Variants in ADAM12 observed in about 807,000 individuals in gnomAD.
The protein encoded by ADAM12 is disintegrin and metalloproteinase domain-containing protein 12.
Under a neutral mutation model 106.4 loss-of-function variants are expected in ADAM12, and 70 were observed. The observed-to-expected ratio is 0.66, with a 90% CI of 0.54 to 0.80. ADAM12 has a LOEUF of 0.80. Among genes scored for constraint, ADAM12 ranks in the 30% least tolerant of loss-of-function variants. The probability of loss-of-function intolerance (pLI) is 0.00; values close to 1 mark genes in which losing one functional copy is unlikely to be tolerated. For synonymous variants in ADAM12, 420 were observed against 433.5 expected (o/e 0.97, Z 0.39); for missense variants, 1,010 against 1,171.9 (o/e 0.86, Z 2.02).
At chr10:126,054,166 C>T (rs1037584597) in intron 14 of ADAM12, among the ~76,000 whole-genome samples, 5 of 152,200 alleles carry the variant, frequency 3.3e-5, no homozygotes, top group African/African-American at 1.2e-4. Flanking sequence ...TGAGCACTTT[C>T]TCTATTAGCC....
chr10:126,175,389 G>A (rs1957201585), intron 3 of ADAM12, among the ~76,000 whole-genome samples: 1 of 152,128 alleles, frequency 6.6e-6, no homozygotes, highest in South Asian at 2.1e-4. Context: ...AATAACAATT[G>A]CTCGGAAAAT....
At chr10:126,094,193 G>A in intron 10 of ADAM12, 60 bp from the exon 11 acceptor site, 1 of 1,521,254 alleles carries the variant, frequency 6.6e-7, no homozygotes, top group Non-Finnish European at 9.0e-7. Context: ...TTATTTCCCA[G>A]GTCTCCCTCC....
At chr10:126,278,315 C>A (rs1290470808) in intron 3 of ADAM12, among the ~76,000 whole-genome samples, 2 of 152,018 alleles carry the variant, frequency 1.3e-5, no homozygotes, top group African/African-American at 4.8e-5. Context: ...GTTTGTCTTA[C>A]GGTTGGAGGC....
chr10:126,224,896 G>A lies in ADAM12; in HGVS notation c.260+54019C>T, dbSNP rs552960363. Among the ~76,000 whole-genome samples, 10 of 152,332 alleles carry A rather than the reference G, an allele frequency of 6.6e-5. No individual in the cohort carries two copies. In the East Asian group the frequency reaches 1.2e-3, roughly 18 times the overall value. ...GCAGGAGACGAGGGAGCAATTACTC[G>A]GGAAAAGTGGACATCAGGGAAGCAT... On this transcript the variant is annotated intron_variant, in intron 3 of 22. Transcript: ENST00000448723.
intron 10 of ADAM12, among the ~76,000 whole-genome samples, chr10:126,094,670 A>G (rs1474566218): frequency 6.6e-6 from 1 of 152,180 alleles, no homozygotes; most frequent in African/African-American, 2.4e-5. Context: ...AAAATTCACA[A>G]TACTTCATAA....
intron 5 of ADAM12, among the ~76,000 whole-genome samples, chr10:126,124,647 T>C (rs920333699): frequency 6.6e-5 from 10 of 151,908 alleles, no homozygotes; most frequent in African/African-American, 4.8e-5. Context: ...AATCCTGGCA[T>C]TTTGGGAGGC....
At chr10:126,272,311 GATTA>G (rs1241926935) in intron 3 of ADAM12, among the ~76,000 whole-genome samples, 3 of 152,142 alleles carry the variant, frequency 2.0e-5, no homozygotes, top group South Asian at 2.1e-4. Flanking sequence ...CATCAATAAA[GATTA>G]ATTAATAAAG....
At chr10:126,378,013 G>C (rs943186798) in intron 1 of ADAM12, among the ~76,000 whole-genome samples, 75 of 152,192 alleles carry the variant, frequency 4.9e-4, no homozygotes, top group African/African-American at 1.6e-3. Flanking sequence ...AGTAAATAAA[G>C]ATAAATAATT....
intron 3 of ADAM12, among the ~76,000 whole-genome samples, chr10:126,220,951 C>T (rs1958079254): frequency 6.6e-6 from 1 of 152,260 alleles, no homozygotes; most frequent in African/African-American, 2.4e-5. Flanking sequence ...GCTTCCAGAA[C>T]ACATTCTGAT....
intron 3 of ADAM12, among the ~76,000 whole-genome samples, chr10:126,202,989 G>C (rs1274797022): frequency 2.0e-5 from 3 of 152,156 alleles, no homozygotes; most frequent in Non-Finnish European, 4.4e-5. Context: ...GTAGAATACA[G>C]GGGAAATTGT....
chr10:126,025,585 G>A (rs939603857), intron 21 of ADAM12, among the ~76,000 whole-genome samples: 5 of 152,096 alleles, frequency 3.3e-5, no homozygotes, highest in Admixed American at 2.6e-4. Context: ...AAAAGAGACG[G>A]GCAGAACAGA....
chr10:126,316,298 G>A (rs1482384254), intron 2 of ADAM12, among the ~76,000 whole-genome samples: 1 of 152,158 alleles, frequency 6.6e-6, no homozygotes, highest in African/African-American at 2.4e-5. Context: ...ATAAATATTT[G>A]TTGATTAAAT....
rs112046559 is a variant in ADAM12 at position 126,104,406 on chromosome 10, C to T, written c.742-3165G>A. Among the ~76,000 whole-genome samples the T allele has an allele frequency of 9.1e-3, 1,344 of 147,252 alleles. 23 individuals are homozygous for T. The highest frequency in any genetic ancestry group is 0.032 in the African/African-American group (1,258 of 39,680). Reference sequence around the variant, plus strand: ...TGGAGGCTGCAGTGAGCCAAGATGGCGCCATTGCACTCCAGCCTTGGGGAT... The same window carrying T: ...TGGAGGCTGCAGTGAGCCAAGATGGTGCCATTGCACTCCAGCCTTGGGGAT... On this transcript the variant is annotated intron_variant, in intron 8 of 22. Coordinates refer to ENST00000448723, the MANE Select transcript of ADAM12 (RefSeq NM_001288973.2).
At chr10:126,270,297 G>A (rs1392472509) in intron 3 of ADAM12, among the ~76,000 whole-genome samples, 1 of 152,166 alleles carries the variant, frequency 6.6e-6, no homozygotes, top group African/African-American at 2.4e-5. Context: ...AGCTGAAGAG[G>A]TGTGGTCACT....
chr10:126,029,380 A>G (rs1258997303), intron 21 of ADAM12, among the ~76,000 whole-genome samples: 2 of 152,226 alleles, frequency 1.3e-5, no homozygotes, highest in African/African-American at 4.8e-5. Context: ...AAATGTGGTA[A>G]ATATACACCA....
intron 11 of ADAM12, among the ~76,000 whole-genome samples, chr10:126,076,967 C>T (rs1955113643): frequency 6.6e-6 from 1 of 152,196 alleles, no homozygotes; most frequent in Non-Finnish European, 1.5e-5. Context: ...CAAACTTTCT[C>T]TCTTTGCTGA....
At chr10:126,364,793 T>C (rs1273101987) in intron 1 of ADAM12, among the ~76,000 whole-genome samples, 1 of 152,190 alleles carries the variant, frequency 6.6e-6, no homozygotes, top group Non-Finnish European at 1.5e-5. Context: ...TTAAACTGCA[T>C]TATTAAGAAT....
At chr10:126,019,929 A>C in intron 21 of ADAM12, 104 bp from the exon 22 acceptor site, 8 of 1,366,528 alleles carry the variant, frequency 5.9e-6, no homozygotes, top group East Asian at 2.5e-5. Flanking sequence ...CCTGAATATC[A>C]TCCTGTCACC....
At chr10:126,048,801 C>A (rs1470438776) in intron 16 of ADAM12, among the ~76,000 whole-genome samples, 1 of 152,016 alleles carries the variant, frequency 6.6e-6, no homozygotes, top group Non-Finnish European at 1.5e-5. Context: ...TGAAAGGACT[C>A]CCCTCTGGTT....
Sources: gnomAD v4.1 joint callset for allele counts (sites outside exome capture counted in the v4.1 genomes callset) on GRCh38, gnomAD v4.1.1 for gene constraint, MANE v1.5 for transcripts, NCBI Gene and HGNC (gene_info 2026-07-23, HGNC 2026-07-21) for gene names.